Variants in ANXA8 observed in about 807,000 individuals in gnomAD.
The protein encoded by ANXA8 is VAC-beta.
Under a neutral mutation model 26.8 loss-of-function variants are expected in ANXA8, and 9 were observed. The ratio of observed to expected loss-of-function variants is 0.34; its 90% CI spans 0.20 to 0.59. The LOEUF (loss-of-function observed/expected upper bound fraction) is 0.59, where lower values mean the gene tolerates loss of function less well. ANXA8 is among the 20% of genes least tolerant of loss of function. The probability of loss-of-function intolerance (pLI) is 0.84; values close to 1 mark genes in which losing one functional copy is unlikely to be tolerated. For missense variants in ANXA8, 83 were observed against 238.5 expected (o/e 0.35, Z 4.29); for synonymous variants, 39 against 94.8 (o/e 0.41, Z 3.42).
At chr10:47,538,695 G>A in the ANXA8 span, 1 of 132,168 alleles carries the variant, frequency 7.6e-6, no homozygotes, top group African/African-American at 2.9e-5. Flanking sequence ...ATGTTGCCCA[G>A]GCGGGTCTTG....
chr10:47,610,740 G>A, the ANXA8 span, among the ~76,000 whole-genome samples: 58 of 149,202 alleles, frequency 3.9e-4, 1 homozygote, highest in African/African-American at 1.4e-3. Flanking sequence ...ATTTTCTGTG[G>A]AGCTCCCAGA....
At chr10:47,579,062 C>T in the ANXA8 span, among the ~76,000 whole-genome samples, 2 of 145,810 alleles carry the variant, frequency 1.4e-5, no homozygotes, top group Admixed American at 6.9e-5. Context: ...AGGCTAGTCT[C>T]GAGCTCCTGG....
chr10:47,733,229 T>C, the ANXA8 span, among the ~76,000 whole-genome samples: 2,765 of 63,700 alleles, frequency 0.043, 20 homozygotes, highest in East Asian at 0.1. Context: ...TTCTCTTTCT[T>C]TCTCTCTTTC....
At chr10:47,485,376 T>C (rs1215702444), upstream of ANXA8, among the ~76,000 whole-genome samples, 5 of 151,796 alleles carry the variant, frequency 3.3e-5, no homozygotes, top group South Asian at 4.2e-4. Flanking sequence ...ACAATGTGCT[T>C]GTGCTTCTGA....
the ANXA8 span, chr10:47,502,715 T>C: frequency 6.2e-7 from 1 of 1,607,630 alleles, no homozygotes; most frequent in Non-Finnish European, 8.5e-7. Flanking sequence ...CCACGCATGT[T>C]TTGGATCGAC....
the ANXA8 span, chr10:47,510,084 T>G: frequency 6.8e-7 from 1 of 1,471,404 alleles, no homozygotes; most frequent in Non-Finnish European, 9.0e-7. Context: ...TCCAATTTCT[T>G]AAGCTGATTG....
the ANXA8 span, among the ~76,000 whole-genome samples, chr10:47,667,819 C>T: frequency 6.6e-6 from 1 of 151,956 alleles, no homozygotes; most frequent in African/African-American, 2.4e-5. Flanking sequence ...TTCACTGTAA[C>T]CTCCGCCTAC....
the ANXA8 span, among the ~76,000 whole-genome samples, chr10:47,679,556 G>A: frequency 2.6e-5 from 4 of 151,980 alleles, no homozygotes; most frequent in Non-Finnish European, 5.9e-5. Context: ...TCAAGGCTGC[G>A]GTAAGCCATA....
chr10:47,571,627 C>G, the ANXA8 span, among the ~76,000 whole-genome samples: 1 of 147,252 alleles, frequency 6.8e-6, no homozygotes, highest in African/African-American at 2.6e-5. Flanking sequence ...AATCTGCACA[C>G]CAATTTGTGG....
chr10:47,894,814 C>A, the ANXA8 span, among the ~76,000 whole-genome samples: 3 of 152,284 alleles, frequency 2.0e-5, no homozygotes, highest in Non-Finnish European at 4.4e-5. Flanking sequence ...ACACATAACA[C>A]ACAGCATACA....
the ANXA8 span, among the ~76,000 whole-genome samples, chr10:47,937,149 G>GC: frequency 1.5e-4 from 23 of 149,680 alleles, no homozygotes; most frequent in African/African-American, 5.3e-4. Flanking sequence ...ACCCATGCCT[G>GC]CCCCCCACCA....
the ANXA8 span, among the ~76,000 whole-genome samples, chr10:47,694,633 C>A: frequency 5.9e-5 from 9 of 151,778 alleles, no homozygotes; most frequent in African/African-American, 9.7e-5. Context: ...ATTGGCCGGG[C>A]TGGTCTCGAA....
intron 11 of ANXA8, among the ~76,000 whole-genome samples, chr10:47,469,502 G>T (rs1221102078): frequency 6.6e-6 from 1 of 151,444 alleles, no homozygotes; most frequent in Non-Finnish European, 1.5e-5. Context: ...CCTGCATCTG[G>T]CTCACATCGG....
At chr10:47,497,147 C>T in the ANXA8 span, among the ~76,000 whole-genome samples, 1 of 146,922 alleles carries the variant, frequency 6.8e-6, no homozygotes. Flanking sequence ...ATGGAGAAAC[C>T]CCATACCTAC....
chr10:47,902,925 C>T, the ANXA8 span, among the ~76,000 whole-genome samples: 1 of 151,894 alleles, frequency 6.6e-6, no homozygotes, highest in Non-Finnish European at 1.5e-5. Flanking sequence ...ATCCTGTTAA[C>T]CTCTCTTTTG....
At chr10:47,528,883 A>T in the ANXA8 span, among the ~76,000 whole-genome samples, 7 of 132,348 alleles carry the variant, frequency 5.3e-5, no homozygotes, top group Non-Finnish European at 4.9e-5. Flanking sequence ...AGGAAAAAGA[A>T]TTCAAGAAAG....
At chr10:47,755,993 A>AGAGTGAGT in the ANXA8 span, 1 of 605,220 alleles carries the variant, frequency 1.7e-6, no homozygotes, top group Non-Finnish European at 2.6e-6. Context: ...AACACTCGGC[A>AGAGTGAGT]GCCCCTCGTG....
the ANXA8 span, among the ~76,000 whole-genome samples, chr10:47,575,215 A>AAAAG: frequency 3.6e-3 from 401 of 110,308 alleles, 11 homozygotes; most frequent in Middle Eastern, 0.013. Flanking sequence ...AAAAAAAAAA[A>AAAAG]AAAGAAAGAA....
At chr10:47,695,381 G>T in the ANXA8 span, among the ~76,000 whole-genome samples, 2 of 151,052 alleles carry the variant, frequency 1.3e-5, no homozygotes, top group East Asian at 1.9e-4. Context: ...CAGCAGAGGG[G>T]TAGGTGGGAG....
Sources: gnomAD v4.1 joint callset for allele counts (sites outside exome capture counted in the v4.1 genomes callset) on GRCh38, gnomAD v4.1.1 for gene constraint, MANE v1.5 for transcripts, NCBI Gene and HGNC (gene_info 2026-07-23, HGNC 2026-07-21) for gene names.